Variants in CWF19L2 observed in about 807,000 individuals in gnomAD.
The protein encoded by CWF19L2 is CWF19-like protein 2.
A neutral mutation model predicts 111.7 loss-of-function variants in CWF19L2; 98 were observed. The observed-to-expected ratio is 0.88, with a 90% CI of 0.75 to 1.04. The LOEUF (loss-of-function observed/expected upper bound fraction) is 1.04. Ranked by LOEUF, CWF19L2 falls within the 50% of genes least tolerant of loss-of-function variation. The pLI is 0.00. For synonymous variants in CWF19L2, 351 were observed against 342.9 expected, an observed-to-expected ratio of 1.02 and a Z score of -0.26; for missense variants, 1,101 against 1,051.4, an observed-to-expected ratio of 1.05 and a Z score of -0.65.
intron 10 of CWF19L2, among the ~76,000 whole-genome samples, chr11:107,399,927 T>C (rs1860976680): frequency 6.6e-6 from 1 of 151,910 alleles, no homozygotes. Context: ...TTCAAAACGA[T>C]CCAAATATAG....
At position 107,403,240 on chromosome 11, in the gene CWF19L2, A is replaced by G. The variant is rs1861031955; in HGVS notation, c.1618-10345T>C. ...TGTAACCAAATACCACTGGTATAAAAAAAAATTAAAATTAAAAAAAACTGT... is the reference window on the plus strand; with the variant it reads ...TGTAACCAAATACCACTGGTATAAAGAAAAATTAAAATTAAAAAAAACTGT... On this transcript the variant is annotated intron_variant, in intron 10 of 17. Transcript: ENST00000282251. Among the ~76,000 whole-genome samples the G allele has an allele frequency of 2.6e-5, 4 of 151,786 alleles. No individual in the cohort carries two copies. The South Asian group carries it at 8.3e-4, about 31-fold the overall frequency.
At chr11:107,388,394 T>A (rs965204728) in intron 12 of CWF19L2, among the ~76,000 whole-genome samples, 2 of 152,096 alleles carry the variant, frequency 1.3e-5, no homozygotes, top group African/African-American at 4.8e-5. Flanking sequence ...TACAATTTTT[T>A]TTTTTTGAGA....
At position 107,454,530 on chromosome 11, in the gene CWF19L2, T is replaced by A; in HGVS notation, c.259A>T (p.Lys87Ter). The change falls in exon 3 of 18, where the codon AAA (lysine) becomes TAA (stop). Residue 87 changes from lysine (K) to a stop codon, truncating the protein, a stop_gained. Transcript: ENST00000282251. LOFTEE classifies it high-confidence loss of function. ...KKKKKKDKHS[K>*]KAKKEKKKKS... ...TTTTTCTTTTCTTTCTTTGCTTTTTTTGAATGCTTGTCTTTTTTCTTCTTT... is the reference window on the plus strand; with the variant it reads ...TTTTTCTTTTCTTTCTTTGCTTTTTATGAATGCTTGTCTTTTTTCTTCTTT... 1 of 1,477,530 alleles carries A rather than the reference T, an allele frequency of 6.8e-7. No individual in the cohort carries two copies. Among genetic ancestry groups the A allele is most frequent in the African/African-American group, 1.4e-5 (1 of 69,628 alleles). The allele number at this position is 1,477,530 out of a possible 1,614,324, so 91.5% of individuals were successfully genotyped here.
intron 10 of CWF19L2, 112 bp from the exon 11 acceptor site, chr11:107,393,007 G>T: frequency 1.5e-6 from 1 of 650,222 alleles, no homozygotes; most frequent in Non-Finnish European, 2.5e-6. Flanking sequence ...TAACGTTGTG[G>T]ATTGCCTTAA....
chr11:107,419,084 A>C lies in CWF19L2; in HGVS notation c.1434-797T>G, dbSNP rs373618432. Among the ~76,000 whole-genome samples the C allele has an allele frequency of 8.5e-5, 13 of 152,322 alleles. 1 individual carries two copies. Among genetic ancestry groups the C allele is most frequent in the African/African-American group, 3.1e-4 (13 of 41,582 alleles). ...AGAGGGTTCCCCTTGAGTACTCAGC[A>C]AGAAACCACCTGCAGTCAGGGAAAG... is the stretch of plus-strand genomic sequence containing the variant. On this transcript the variant is annotated intron_variant, in intron 8 of 17. Transcript: ENST00000282251.
rs565847559 is a variant in CWF19L2, at chr11:107,441,792, A to G, written c.451-170T>C. ...TTGAAGCAAGCTTCTAAATCTCTCTATACTTTAGTCTCTCCTCTATAAAAT... is the reference window on the plus strand; with the variant it reads ...TTGAAGCAAGCTTCTAAATCTCTCTGTACTTTAGTCTCTCCTCTATAAAAT... On this transcript the variant is annotated intron_variant, in intron 4 of 17. Coordinates refer to ENST00000282251, the MANE Select transcript of CWF19L2 (RefSeq NM_152434.3). Among the ~76,000 whole-genome samples the G allele has an allele frequency of 1.4e-4, 22 of 152,342 alleles. No homozygotes were observed. The South Asian group carries it at 1.4e-3, about 10-fold the overall frequency.
intron 10 of CWF19L2, among the ~76,000 whole-genome samples, chr11:107,406,076 T>C (rs1761609510): frequency 6.6e-6 from 1 of 152,332 alleles, no homozygotes; most frequent in Non-Finnish European, 1.5e-5. Context: ...TTATTTGGTA[T>C]AGCAGGCCTA....
chr11:107,361,621 T>C (rs1470340394), intron 12 of CWF19L2, among the ~76,000 whole-genome samples: 2 of 152,248 alleles, frequency 1.3e-5, no homozygotes, highest in African/African-American at 2.4e-5. Flanking sequence ...GGGATGTTTT[T>C]CCATTTATTT....
At chr11:107,441,355 G>C (rs1304289915) in intron 5 of CWF19L2, 148 bp downstream of exon 5, 2 of 580,594 alleles carry the variant, frequency 3.4e-6, no homozygotes, top group African/African-American at 3.9e-5. Flanking sequence ...TTCTTAAACT[G>C]ATGTATTTCA....
chr11:107,330,208 A>T (rs1279100409), intron 16 of CWF19L2, among the ~76,000 whole-genome samples, 189 bp from the exon 17 acceptor site: 2 of 152,210 alleles, frequency 1.3e-5, no homozygotes, highest in Non-Finnish European at 1.5e-5. Flanking sequence ...TCATTTTGGT[A>T]GCCTTTCAGC....
At chr11:107,342,342 T>A (rs190818408) in intron 14 of CWF19L2, among the ~76,000 whole-genome samples, 6 of 152,244 alleles carry the variant, frequency 3.9e-5, no homozygotes, top group Non-Finnish European at 4.4e-5. Context: ...TTTAACATGT[T>A]GTAATTTCAT....
At chr11:107,361,309 C>T (rs911959696) in intron 12 of CWF19L2, among the ~76,000 whole-genome samples, 5 of 152,140 alleles carry the variant, frequency 3.3e-5, no homozygotes, top group Non-Finnish European at 2.9e-5. Flanking sequence ...TTCCATTGAT[C>T]TGGCTGTCTA....
chr11:107,445,288 A>G (rs892704881), intron 3 of CWF19L2, among the ~76,000 whole-genome samples: 2 of 152,254 alleles, frequency 1.3e-5, no homozygotes, highest in Admixed American at 1.3e-4. Flanking sequence ...AATACCAACT[A>G]ATATTCTCTT....
chr11:107,348,566 T>A (rs1458001982), intron 14 of CWF19L2: 1 of 154,578 alleles, frequency 6.5e-6, no homozygotes, highest in Non-Finnish European at 1.4e-5. Flanking sequence ...CTCTGACTCC[T>A]CAAATTTCTT....
chr11:107,453,302 G>C (rs1237862868), intron 3 of CWF19L2, among the ~76,000 whole-genome samples: 2 of 152,130 alleles, frequency 1.3e-5, no homozygotes, highest in African/African-American at 4.8e-5. Flanking sequence ...ACTTGCCTCA[G>C]AGCCAATGGA....
At chr11:107,373,159 G>A (rs113464524) in intron 12 of CWF19L2, among the ~76,000 whole-genome samples, 1 of 125,244 alleles carries the variant, frequency 8.0e-6, no homozygotes, top group African/African-American at 3.4e-5. Context: ...CACAGCAGCT[G>A]AGATCAAACT....
intron 16 of CWF19L2, 104 bp downstream of exon 16, chr11:107,334,777 T>A (rs1859897516): frequency 1.3e-6 from 1 of 761,384 alleles, no homozygotes; most frequent in African/African-American, 1.8e-5. Context: ...TAATTTCGCC[T>A]TCAGTCACTC....
intron 12 of CWF19L2, among the ~76,000 whole-genome samples, chr11:107,386,352 G>A (rs1458323712): frequency 6.6e-6 from 1 of 152,192 alleles, no homozygotes. Flanking sequence ...ACCTACATCT[G>A]TATACTAATA....
chr11:107,382,899 T>TG (rs1368191761), intron 12 of CWF19L2, among the ~76,000 whole-genome samples: 4 of 152,118 alleles, frequency 2.6e-5, no homozygotes, highest in Non-Finnish European at 5.9e-5. Context: ...CCCTATGCAA[T>TG]GGGGGAAGGA....
Sources: gnomAD v4.1 joint callset for allele counts (sites outside exome capture counted in the v4.1 genomes callset) on GRCh38, gnomAD v4.1.1 for gene constraint, MANE v1.5 for transcripts, NCBI Gene and HGNC (gene_info 2026-07-23, HGNC 2026-07-21) for gene names.